The following IGF1R variants were observed in gnomAD, a reference collection of about 807,000 sequenced individuals.
IGF1R encodes insulin-like growth factor 1 receptor.
IGF1R carries 44 observed loss-of-function variants against 144.6 expected under a neutral mutation model. The observed-to-expected ratio is 0.30, with a 90% confidence interval of 0.24 to 0.39. The LOEUF is 0.39. Among genes scored for constraint, IGF1R ranks in the 10% least tolerant of loss-of-function variants. The probability of loss-of-function intolerance (pLI) is 1.00; values close to 1 mark genes in which losing one functional copy is unlikely to be tolerated. For synonymous variants in IGF1R, 795 were observed against 722.8 expected, an observed-to-expected ratio of 1.10 and a Z score of -1.60; for missense variants, 1,355 against 1,833.7, an observed-to-expected ratio of 0.74 and a Z score of 4.77.
At chr15:98,806,855 T>C (rs1307152975) in intron 2 of IGF1R, among the ~76,000 whole-genome samples, 2 of 152,178 alleles carry the variant, frequency 1.3e-5, no homozygotes, top group Non-Finnish European at 2.9e-5. Flanking sequence ...ACGTGATCAT[T>C]AATGTCATGA....
chr15:98,800,315 G>T (rs547837237), intron 2 of IGF1R, among the ~76,000 whole-genome samples: 10 of 152,092 alleles, frequency 6.6e-5, no homozygotes, highest in Non-Finnish European at 1.3e-4. Context: ...ATTAAGAATT[G>T]AAGTTGTTCC....
chr15:98,725,497 A>G (rs944476945), intron 2 of IGF1R, among the ~76,000 whole-genome samples: 1 of 151,868 alleles, frequency 6.6e-6, no homozygotes, highest in Non-Finnish European at 1.5e-5. Context: ...TGCTTCTCCA[A>G]CTCCTGGAAT....
intron 1 of IGF1R, among the ~76,000 whole-genome samples, chr15:98,690,716 C>G (rs7173928): frequency 3.3e-5 from 5 of 152,108 alleles, no homozygotes; most frequent in Non-Finnish European, 7.4e-5. Context: ...CTTCCTGCTA[C>G]TCTCCCCAGT....
At chr15:98,954,174 A>C (rs1309242935) in intron 20 of IGF1R, 1 of 152,192 alleles carries the variant, frequency 6.6e-6, no homozygotes, top group Non-Finnish European at 1.5e-5. Flanking sequence ...CAGGGCCAAG[A>C]GTGAAGTGAG....
chr15:98,874,443 G>A (rs1228337819), intron 2 of IGF1R, among the ~76,000 whole-genome samples: 1 of 152,174 alleles, frequency 6.6e-6, no homozygotes, highest in Non-Finnish European at 1.5e-5. Flanking sequence ...ATTTCCAACA[G>A]TATTAAAGAA....
intron 2 of IGF1R, among the ~76,000 whole-genome samples, chr15:98,862,673 G>A (rs2012221941): frequency 6.6e-6 from 1 of 152,140 alleles, no homozygotes; most frequent in Non-Finnish European, 1.5e-5. Flanking sequence ...TTGGAGGTGG[G>A]ATTTTTGAGT....
chr15:98,768,943 A>G, intron 2 of IGF1R, among the ~76,000 whole-genome samples: 1 of 151,910 alleles, frequency 6.6e-6, no homozygotes, highest in South Asian at 2.1e-4. Flanking sequence ...CAACAACAAC[A>G]ACAACAACAA....
chr15:98,924,380 C>T, intron 12 of IGF1R, 145 bp from the exon 13 acceptor site: 1 of 840,578 alleles, frequency 1.2e-6, no homozygotes. Context: ...GATTTGATTT[C>T]TTTGTCTTTA....
chr15:98,945,099 C>T (rs1490253327), intron 19 of IGF1R, among the ~76,000 whole-genome samples: 1 of 152,224 alleles, frequency 6.6e-6, no homozygotes. Flanking sequence ...TCTGAAATGA[C>T]AAGGGTGCCC....
chr15:98,962,122 A>C lies in IGF1R; in HGVS notation c.*4680A>C. 4.3e-6 allele frequency: 1 copy of C among 233,250 alleles called. No individual in the cohort carries two copies. The highest frequency in any genetic ancestry group is 6.0e-5 in the East Asian group (1 of 16,586). 14.4% of individuals were successfully genotyped at this position (233,250 alleles called of 1,614,324 possible). On this transcript the variant is annotated 3_prime_UTR_variant, in exon 21 of 21. Coordinates refer to ENST00000650285, the MANE Select transcript of IGF1R (RefSeq NM_000875.5). ...GCCAGTGGCTCTGTGGCAAGATCAC[A>C]CTGAGATCGATGGGTGAGAAGGCTA...
At chr15:98,719,337 C>G (rs1421835724) in intron 2 of IGF1R, among the ~76,000 whole-genome samples, 1 of 151,394 alleles carries the variant, frequency 6.6e-6, no homozygotes, top group East Asian at 1.9e-4. Context: ...CTTCCTCCTC[C>G]CACCCCTGCC....
At chr15:98,874,721 A>G (rs1252093343) in intron 2 of IGF1R, among the ~76,000 whole-genome samples, 1 of 152,190 alleles carries the variant, frequency 6.6e-6, no homozygotes, top group African/African-American at 2.4e-5. Context: ...GACCCCTTCC[A>G]TTGGGCATTC....
intron 2 of IGF1R, among the ~76,000 whole-genome samples, chr15:98,774,202 C>G (rs543786215): frequency 1.3e-5 from 2 of 152,298 alleles, no homozygotes; most frequent in East Asian, 3.9e-4. Context: ...ATCAAGTTCT[C>G]TCTCTCCTGT....
chr15:98,799,980 G>A (rs886367568), intron 2 of IGF1R, among the ~76,000 whole-genome samples: 3 of 152,174 alleles, frequency 2.0e-5, no homozygotes, highest in Admixed American at 6.5e-5. Context: ...CCTGCACTCT[G>A]TTCTTATGTA....
intron 2 of IGF1R, among the ~76,000 whole-genome samples, chr15:98,810,802 C>A (rs1406565329): frequency 6.6e-6 from 1 of 151,862 alleles, no homozygotes; most frequent in Non-Finnish European, 1.5e-5. Flanking sequence ...CCCGCCTCGG[C>A]CTCCCAAAGG....
intron 2 of IGF1R, among the ~76,000 whole-genome samples, chr15:98,795,856 G>A (rs1454595442): frequency 6.6e-6 from 1 of 152,216 alleles, no homozygotes; most frequent in East Asian, 1.9e-4. Flanking sequence ...GTCCCTTCGT[G>A]TCACCTGTGC....
At chr15:98,931,106 A>G (rs746800480) in intron 15 of IGF1R, among the ~76,000 whole-genome samples, 20 of 152,194 alleles carry the variant, frequency 1.3e-4, no homozygotes, top group Non-Finnish European at 2.2e-4. Context: ...GAACTCTGGG[A>G]AAAAACTTGT....
intron 2 of IGF1R, among the ~76,000 whole-genome samples, chr15:98,814,175 G>A (rs935853266): frequency 9.2e-5 from 14 of 152,228 alleles, no homozygotes; most frequent in Admixed American, 2.0e-4. Context: ...GGTTGCTTGC[G>A]TCACTAGATC....
At chr15:98,662,127 G>T (rs1356648629) in intron 1 of IGF1R, among the ~76,000 whole-genome samples, 1 of 151,624 alleles carries the variant, frequency 6.6e-6, no homozygotes, top group East Asian at 1.9e-4. Flanking sequence ...TTACAGGCGT[G>T]TGCCACCACG....
Sources: allele counts gnomAD v4.1 joint callset (sites outside exome capture counted in the v4.1 genomes callset), GRCh38; gene constraint gnomAD v4.1.1; transcripts MANE v1.5; gene names NCBI Gene and HGNC (gene_info 2026-07-23, HGNC 2026-07-21).